Variants in SDK1 observed in about 807,000 individuals in gnomAD.
SDK1 encodes the protein protein sidekick-1.
SDK1 carries 157 observed loss-of-function variants against 245.5 expected under a neutral mutation model. The ratio of observed to expected loss-of-function variants is 0.64; its 90% CI spans 0.56 to 0.73. The LOEUF (loss-of-function observed/expected upper bound fraction) is 0.73. Among genes scored for constraint, SDK1 ranks in the 30% least tolerant of loss-of-function variants. The pLI is 0.00. For missense variants in SDK1, 3,583 were observed against 3,002.3 expected, an observed-to-expected ratio of 1.19 and a Z score of -4.52; for synonymous variants, 1,647 against 1,278.5, an observed-to-expected ratio of 1.29 and a Z score of -6.15.
intron 37 of SDK1, 111 bp downstream of exon 37, chr7:4,208,396 A>G (rs977190686): frequency 2.1e-6 from 2 of 952,028 alleles, no homozygotes; most frequent in African/African-American, 1.7e-5. Flanking sequence ...GCGGAAGGCA[A>G]CACCTTTTGA....
At chr7:3,885,875 G>T (rs751811736) in intron 5 of SDK1, among the ~76,000 whole-genome samples, 1 of 152,196 alleles carries the variant, frequency 6.6e-6, no homozygotes, top group Non-Finnish European at 1.5e-5. Flanking sequence ...GGAGATGCCG[G>T]AGAAAAGTAT....
chr7:4,069,374 G>A (rs1362551244), intron 20 of SDK1, among the ~76,000 whole-genome samples: 1 of 152,212 alleles, frequency 6.6e-6, no homozygotes. Context: ...CCATATATAG[G>A]ACACTTCTGT....
chr7:3,851,711 C>A (rs186951302), intron 5 of SDK1, among the ~76,000 whole-genome samples: 12 of 152,260 alleles, frequency 7.9e-5, no homozygotes, highest in Non-Finnish European at 1.3e-4. Flanking sequence ...CACAGTCCAC[C>A]AGAAAACCTT....
rs1226066261 is a variant in SDK1 at position 3,301,695 on chromosome 7, C to T, written c.109C>T (p.Arg37Cys). Residue 37 changes from arginine (R) to cysteine (C), a missense_variant, in exon 1 of 45, where the codon CGC (arginine) becomes TGC (cysteine). Transcript: ENST00000404826. ...RPRGSPPGRA[R>C]PSLAPRPGPE... is the part of the protein sequence containing the mutation. ...GCGGGGATCCCCGCCCGGCCGCGCC[C>T]GCCCCTCGCTGGCGCCGCGCCCCGG... 2.1e-6 allele frequency: 2 copies of T among 973,790 alleles called. No individual in the cohort carries two copies. Among genetic ancestry groups the T allele is most frequent in the African/African-American group, 1.8e-5 (1 of 56,146 alleles). The allele number at this position is 973,790 out of a possible 1,614,324, so 60.3% of individuals were successfully genotyped here.
intron 4 of SDK1, among the ~76,000 whole-genome samples, chr7:3,790,605 C>T (rs189819316): frequency 6.6e-4 from 101 of 152,154 alleles, no homozygotes; most frequent in African/African-American, 2.1e-3. Context: ...GTCGGGAGTT[C>T]GAGATAACCC....
Position 3,922,022 on chromosome 7 carries a change from G to A in SDK1, c.848-28901G>A, listed in dbSNP as rs111747463. ...GGATTCCAGCCCCTGTTACTCAGGAGCCGCAGGGCCTCTCACCCATGCTCC... is the reference window on the plus strand; with the variant it reads ...GGATTCCAGCCCCTGTTACTCAGGAACCGCAGGGCCTCTCACCCATGCTCC... On this transcript the variant is annotated intron_variant, in intron 5 of 44. Transcript: ENST00000404826. Among the ~76,000 whole-genome samples the A allele has an allele frequency of 1.9e-3, 293 of 152,280 alleles. 4 individuals carry two copies. Among genetic ancestry groups the A allele is most frequent in the African/African-American group, 6.6e-3 (274 of 41,558 alleles).
chr7:3,818,045 G>A (rs1371730581), intron 4 of SDK1, among the ~76,000 whole-genome samples: 1 of 152,142 alleles, frequency 6.6e-6, no homozygotes, highest in Admixed American at 6.5e-5. Flanking sequence ...TCTCCCGAGC[G>A]GCAGCTCATC....
intron 1 of SDK1, among the ~76,000 whole-genome samples, chr7:3,401,234 A>G (rs1243865227): frequency 1.3e-5 from 2 of 152,190 alleles, no homozygotes; most frequent in Admixed American, 6.5e-5. Context: ...TAATCACATG[A>G]CAAGATTTGG....
chr7:3,621,311 CTT>C (rs770481894), intron 2 of SDK1, among the ~76,000 whole-genome samples: 2 of 152,118 alleles, frequency 1.3e-5, no homozygotes, highest in Non-Finnish European at 2.9e-5. Context: ...ACCGGTGTGA[CTT>C]TGGACAAGTT....
chr7:3,846,617 TA>T (rs1159015122), intron 5 of SDK1, among the ~76,000 whole-genome samples: 1 of 152,180 alleles, frequency 6.6e-6, no homozygotes, highest in Non-Finnish European at 1.5e-5. Flanking sequence ...CATTCTTATT[TA>T]CCTCCCTCCT....
intron 18 of SDK1, 136 bp downstream of exon 18, chr7:4,049,599 C>T: frequency 1.6e-6 from 1 of 637,190 alleles, no homozygotes; most frequent in Non-Finnish European, 2.8e-6. Flanking sequence ...CTTGGTGAGA[C>T]CACCATTTAT....
At chr7:3,568,729 G>T (rs1406712548) in intron 1 of SDK1, among the ~76,000 whole-genome samples, 1 of 152,100 alleles carries the variant, frequency 6.6e-6, no homozygotes, top group Admixed American at 6.6e-5. Context: ...CCTTTGGTAG[G>T]CTCCCTGATT....
chr7:3,327,245 A>C (rs1266065684), intron 1 of SDK1, among the ~76,000 whole-genome samples: 1 of 152,194 alleles, frequency 6.6e-6, no homozygotes, highest in Non-Finnish European at 1.5e-5. Context: ...GGGGATCTTC[A>C]GTTTAGAGAA....
intron 1 of SDK1, among the ~76,000 whole-genome samples, chr7:3,372,486 G>A (rs970239045): frequency 6.6e-6 from 1 of 152,150 alleles, no homozygotes; most frequent in African/African-American, 2.4e-5. Context: ...TTCAGAACAC[G>A]CCCTATTGCC....
intron 4 of SDK1, among the ~76,000 whole-genome samples, chr7:3,788,090 C>T (rs1158257361): frequency 6.6e-6 from 1 of 152,206 alleles, no homozygotes; most frequent in Non-Finnish European, 1.5e-5. Context: ...GCAGCCCCAC[C>T]TCCCGGCCCG....
At chr7:3,373,337 C>T (rs908133315) in intron 1 of SDK1, among the ~76,000 whole-genome samples, 1 of 152,066 alleles carries the variant, frequency 6.6e-6, no homozygotes, top group Admixed American at 6.5e-5. Context: ...TGTATGGGTC[C>T]CATTGCAAAG....
chr7:3,339,580 C>G (rs1455609176), intron 1 of SDK1, among the ~76,000 whole-genome samples: 2 of 151,810 alleles, frequency 1.3e-5, no homozygotes. Context: ...TGTTCTGTGG[C>G]AATAATGGAA....
chr7:3,657,341 C>A (rs1259891265), intron 4 of SDK1, among the ~76,000 whole-genome samples: 1 of 152,160 alleles, frequency 6.6e-6, no homozygotes, highest in Non-Finnish European at 1.5e-5. Context: ...CCAGTGTCTA[C>A]AGGGTGGGTT....
intron 8 of SDK1, among the ~76,000 whole-genome samples, chr7:3,961,876 AAC>A (rs1781710496): frequency 6.6e-6 from 1 of 152,082 alleles, no homozygotes; most frequent in African/African-American, 2.4e-5. Flanking sequence ...CACACATAGA[AAC>A]ACATGTACAC....
Sources: allele counts gnomAD v4.1 joint callset (sites outside exome capture counted in the v4.1 genomes callset), GRCh38; gene constraint gnomAD v4.1.1; transcripts MANE v1.5; gene names NCBI Gene and HGNC (gene_info 2026-07-23, HGNC 2026-07-21).